Variants in RND3 observed in about 807,000 individuals in gnomAD.
RND3 encodes the protein Rho family GTPase 3.
RND3 carries 8 observed loss-of-function variants against 26.5 expected under a neutral mutation model. The ratio of observed to expected loss-of-function variants is 0.30; its 90% CI spans 0.18 to 0.54. The LOEUF is 0.54. Among genes scored for constraint, RND3 ranks in the 20% least tolerant of loss-of-function variants. The probability of loss-of-function intolerance (pLI) is 0.94; values close to 1 mark genes in which losing one functional copy is unlikely to be tolerated. For synonymous variants in RND3, 113 were observed against 113.0 expected, an observed-to-expected ratio of 1.00 and a Z score of 0.00; for missense variants, 207 against 302.8, an observed-to-expected ratio of 0.68 and a Z score of 2.35.
intron 3 of RND3, among the ~76,000 whole-genome samples, chr2:150,481,149 A>C (rs183237617): frequency 2.0e-5 from 3 of 152,308 alleles, no homozygotes; most frequent in African/African-American, 4.8e-5. Flanking sequence ...AACTTAGTCA[A>C]CTTCTAGAAA....
intron 5 of RND3, 78 bp downstream of exon 5, chr2:150,471,549 A>G: frequency 1.6e-6 from 2 of 1,248,576 alleles, no homozygotes; most frequent in South Asian, 1.6e-5. Flanking sequence ...GCTACTTTTT[A>G]TTTTATTTAT....
At chr2:150,472,794 G>T (rs1193581806) in intron 4 of RND3, among the ~76,000 whole-genome samples, 1 of 152,006 alleles carries the variant, frequency 6.6e-6, no homozygotes, top group Admixed American at 6.6e-5. Context: ...GAATACTGGG[G>T]GTGATGAAGT....
chr2:150,474,656 A>C (rs541348348), intron 4 of RND3, among the ~76,000 whole-genome samples: 3 of 152,342 alleles, frequency 2.0e-5, no homozygotes, highest in Admixed American at 2.0e-4. Context: ...AAGGCCCTTA[A>C]AAGGTATTTT....
At chr2:150,487,486 T>TATATATATATAC in intron 1 of RND3, 31 bp from the exon 2 acceptor site, 1 of 352,828 alleles carries the variant, frequency 2.8e-6, no homozygotes, top group Non-Finnish European at 4.3e-6. Context: ...TATATATATA[T>TATATATATATAC]ATATATATTT....
At position 150,468,229 on chromosome 2, in the gene RND3, G is replaced by A. The variant is rs1208206524; in HGVS notation, c.*1758C>T. 1.3e-4 allele frequency: 20 copies of A among 151,252 alleles called. No homozygotes were observed. The highest frequency in any genetic ancestry group is 2.1e-4 in the South Asian group (1 of 4,766). The allele number at this position is 151,252 out of a possible 1,614,324, so 9.4% of individuals were successfully genotyped here. Reference sequence around the variant, plus strand: ...AGACATGGTTACTTTTTTATTTGAAGAAAAAAAAAGTATGTTTTAATAAAT... The same window carrying A: ...AGACATGGTTACTTTTTTATTTGAAAAAAAAAAAAGTATGTTTTAATAAAT... On this transcript the variant is annotated 3_prime_UTR_variant, in exon 6 of 6. Transcript: ENST00000263895.
intron 3 of RND3, among the ~76,000 whole-genome samples, chr2:150,482,411 A>G (rs1179104826): frequency 2.6e-5 from 4 of 152,192 alleles, no homozygotes; most frequent in African/African-American, 9.7e-5. Flanking sequence ...AGATATTAGA[A>G]TTACTTTGGT....
intron 4 of RND3, chr2:150,471,969 T>C (rs1193162933): frequency 2.5e-5 from 13 of 522,162 alleles, no homozygotes; most frequent in African/African-American, 5.8e-5. Flanking sequence ...AGAATAATTA[T>C]GTATATTATG....
chr2:150,487,238 C>G (rs1331796143), intron 2 of RND3, 30 bp downstream of exon 2: 1 of 1,555,152 alleles, frequency 6.4e-7, no homozygotes, highest in Admixed American at 1.8e-5. Flanking sequence ...GGCCGACCCC[C>G]TCGTGGAAGC....
Position 150,487,474 on chromosome 2 carries a change from A to AAAAAAATATATATATATATAT in RND3, c.-38-20_-38-19insATATATATATATATATTTTTT. 155 of 200,732 alleles carry AAAAAAATATATATATATATAT rather than the reference A, an allele frequency of 7.7e-4. No individual in the cohort carries two copies. The highest frequency in any genetic ancestry group is 9.5e-4 in the Non-Finnish European group (109 of 114,632). The allele number at this position is 200,732 out of a possible 1,614,324, so 12.4% of individuals were successfully genotyped here. On this transcript the variant is annotated intron_variant, in intron 1 of 5. Transcript: ENST00000263895. ...ATTTTCTCTTAAGAAGAAAAAAAAA[A>AAAAAAATATATATATATATAT]ATATATATATATATATATATTTCTC...
chr2:150,484,272 C>A (rs1218110703), intron 3 of RND3, among the ~76,000 whole-genome samples: 1 of 152,196 alleles, frequency 6.6e-6, no homozygotes, highest in African/African-American at 2.4e-5. Context: ...ATGAAGATAC[C>A]TGAAGTGGTA....
At chr2:150,473,793 A>G (rs989545349) in intron 4 of RND3, among the ~76,000 whole-genome samples, 7 of 152,196 alleles carry the variant, frequency 4.6e-5, no homozygotes, top group African/African-American at 1.7e-4. Context: ...ACTAATAAAA[A>G]CACACAAAAT....
chr2:150,478,225 A>AC (rs1686200792), intron 3 of RND3, among the ~76,000 whole-genome samples: 1 of 151,864 alleles, frequency 6.6e-6, no homozygotes, highest in Non-Finnish European at 1.5e-5. Flanking sequence ...AAAAACAAAA[A>AC]CACTCACACA....
intron 3 of RND3, among the ~76,000 whole-genome samples, chr2:150,484,205 G>A (rs1328988639): frequency 6.6e-6 from 1 of 152,190 alleles, no homozygotes; most frequent in Non-Finnish European, 1.5e-5. Context: ...ACTGCTGTAT[G>A]CAAGGCATTG....
chr2:150,483,952 C>T (rs1165431184), intron 3 of RND3, among the ~76,000 whole-genome samples: 2 of 152,188 alleles, frequency 1.3e-5, no homozygotes, highest in African/African-American at 2.4e-5. Context: ...ATCACATTTT[C>T]AAACCTTTAT....
In RND3 at chr2:150,486,720, ATTCT is replaced by A; in HGVS notation, c.208_211del (p.Arg70Ter). ...CGAAGTGTCCCACAGGCTCAACTCTATTCTTTGTGTGTCGATTTCAAAACTGGCC... is the reference window on the plus strand; with the variant it reads ...CGAAGTGTCCCACAGGCTCAACTCTATTGTGTGTCGATTTCAAAACTGGCC... On this transcript the variant is annotated frameshift_variant, in exon 3 of 6. Coordinates refer to ENST00000263895, the MANE Select transcript of RND3 (RefSeq NM_005168.5). LOFTEE classifies it high-confidence loss of function. The surrounding 1 kb of genome is among the most constrained non-coding windows in gnomAD (Gnocchi z 4.5). The A allele has an allele frequency of 6.2e-7, 1 of 1,613,384 alleles. No individual in the cohort carries two copies. Among genetic ancestry groups the A allele is most frequent in the African/African-American group, 1.3e-5 (1 of 75,026 alleles).
At chr2:150,478,612 T>C (rs969086056) in intron 3 of RND3, among the ~76,000 whole-genome samples, 27 of 140,674 alleles carry the variant, frequency 1.9e-4, no homozygotes, top group Non-Finnish European at 3.5e-4. Context: ...CTTCTATAGG[T>C]GTTTTTAAAA....
chr2:150,487,146 A>T, intron 2 of RND3, 122 bp downstream of exon 2: 1 of 822,896 alleles, frequency 1.2e-6, no homozygotes, highest in Non-Finnish European at 1.8e-6. Flanking sequence ...GGACCGAGAA[A>T]GACTTTTTTT....
intron 3 of RND3, among the ~76,000 whole-genome samples, chr2:150,478,370 G>A (rs1686207329): frequency 6.6e-6 from 1 of 151,762 alleles, no homozygotes; most frequent in African/African-American, 2.4e-5. Context: ...GGGCACGGTG[G>A]AATCACAGGT....
At chr2:150,483,024 G>C (rs543540262) in intron 3 of RND3, among the ~76,000 whole-genome samples, 3 of 151,894 alleles carry the variant, frequency 2.0e-5, no homozygotes, top group African/African-American at 7.3e-5. Context: ...TAGTGGATGC[G>C]GGAAAAAAGG....
Sources: allele counts gnomAD v4.1 joint callset (sites outside exome capture counted in the v4.1 genomes callset), GRCh38; gene constraint gnomAD v4.1.1; non-coding constraint Gnocchi (gnomAD v3.1); transcripts MANE v1.5; gene names NCBI Gene and HGNC (gene_info 2026-07-23, HGNC 2026-07-21).